The following DYNC2I1 variants were observed in gnomAD, a reference collection of about 807,000 sequenced individuals.
DYNC2I1 encodes dynein 2 intermediate chain 1.
DYNC2I1 carries 89 observed loss-of-function variants against 133.4 expected under a neutral mutation model. That is an observed-to-expected ratio of 0.67 (90% CI 0.56 to 0.80). DYNC2I1 has a LOEUF of 0.80. Among genes scored for constraint, DYNC2I1 ranks in the 30% least tolerant of loss-of-function variants. DYNC2I1 has a pLI of 0.00. For missense variants in DYNC2I1, 1,291 were observed against 1,314.5 expected, an observed-to-expected ratio of 0.98 and a Z score of 0.28; for synonymous variants, 504 against 484.3, an observed-to-expected ratio of 1.04 and a Z score of -0.54.
intron 8 of DYNC2I1, among the ~76,000 whole-genome samples, chr7:158,898,867 GTTGT>G (rs1246711558): frequency 6.7e-6 from 1 of 148,622 alleles, no homozygotes; most frequent in Non-Finnish European, 1.5e-5. Flanking sequence ...TCAGTTAAAG[GTTGT>G]TTTTTTTTTT....
Position 158,945,606 on chromosome 7 carries a change from G to A in DYNC2I1, c.3028G>A (p.Glu1010Lys). The A allele has an allele frequency of 1.2e-6, 2 of 1,608,128 alleles. No homozygotes were observed. The highest frequency in any genetic ancestry group is 1.7e-6 in the Non-Finnish European group (2 of 1,177,830). The stretch of plus-strand genomic sequence containing the variant: ...GCTGGTGGCCATGGCTGCGGTGGGT[G>A]AGCCTGAGAAGGCTGGTGGCAGCTT... Reference protein sequence around the residue: ...NRLVAMAAVGEPEKAGGSFLA... With the variant: ...NRLVAMAAVGKPEKAGGSFLA... The change falls in exon 25 of 25, where the codon GAG becomes AAG. Residue 1010 changes from glutamate (E) to lysine (K), a missense_variant. Transcript: ENST00000407559. The surrounding 1 kb of genome is among the most constrained non-coding windows in gnomAD (Gnocchi z 4.1).
intron 4 of DYNC2I1, 69 bp downstream of exon 4, chr7:158,876,760 T>C: frequency 6.8e-7 from 1 of 1,470,590 alleles, no homozygotes; most frequent in Non-Finnish European, 9.0e-7. Flanking sequence ...TAAGCATTAT[T>C]GTTGGAAGCA....
In DYNC2I1 at chr7:158,945,670, A is replaced by G. The variant is rs1211196389; in HGVS notation, c.3092A>G (p.Asp1031Gly). ...CTGGCCAGGGCGTCTGGCTCCATCGACATCCAGCACCTGAAGAGGCGGTGG... is the reference window on the plus strand; with the variant it reads ...CTGGCCAGGGCGTCTGGCTCCATCGGCATCCAGCACCTGAAGAGGCGGTGG... ...LVLARASGSI[D>G]IQHLKRRWAA... The change falls in exon 25 of 25, where the codon GAC (aspartate) becomes GGC (glycine). Residue 1031 changes from aspartate (D) to glycine (G), a missense_variant. Coordinates refer to ENST00000407559, the MANE Select transcript of DYNC2I1 (RefSeq NM_018051.5). The surrounding 1 kb of genome is among the most constrained non-coding windows in gnomAD (Gnocchi z 4.1). 1 of 1,612,788 alleles carries G rather than the reference A, an allele frequency of 6.2e-7. No homozygotes were observed.
At chr7:158,867,428 G>C (rs1842505429) in intron 1 of DYNC2I1, among the ~76,000 whole-genome samples, 1 of 152,228 alleles carries the variant, frequency 6.6e-6, no homozygotes, top group African/African-American at 2.4e-5. Flanking sequence ...CACAGAAGAA[G>C]GAGCTGTGGC....
In DYNC2I1 at chr7:158,922,357, CA is replaced by C. The variant is rs1311151036; in HGVS notation, c.1922-19del. ...TTCTGGCAGGTCGTTGAAATGTGAA[CA>C]TATTTTTCTTCTCCCTAGATCGAAA... On this transcript the variant is annotated intron_variant, in intron 15 of 24. Transcript: ENST00000407559. 6.2e-7 allele frequency: 1 copy of C among 1,604,818 alleles called. No homozygotes were observed.
chr7:158,895,686 A>G (rs904384884), intron 8 of DYNC2I1, among the ~76,000 whole-genome samples: 4 of 152,146 alleles, frequency 2.6e-5, no homozygotes, highest in Non-Finnish European at 4.4e-5. Flanking sequence ...TGAAATTTCT[A>G]TTGCGATTGC....
chr7:158,930,008 G>A (rs570194944), intron 20 of DYNC2I1, among the ~76,000 whole-genome samples: 41 of 152,302 alleles, frequency 2.7e-4, no homozygotes, highest in Admixed American at 2.0e-3. Context: ...CATTCTGCCC[G>A]GAGACCAGCA....
chr7:158,865,503 T>C (rs1289888056), intron 1 of DYNC2I1, among the ~76,000 whole-genome samples: 3 of 152,234 alleles, frequency 2.0e-5, no homozygotes, highest in African/African-American at 4.8e-5. Context: ...ATCTCCTGTT[T>C]GCTTGCCATG....
intron 23 of DYNC2I1, among the ~76,000 whole-genome samples, chr7:158,940,869 A>G (rs1297703350): frequency 1.3e-5 from 2 of 152,236 alleles, no homozygotes; most frequent in Non-Finnish European, 2.9e-5. Context: ...AAATGCCTAC[A>G]TCTAAAAAAG....
At chr7:158,883,817 C>G (rs1311484309) in intron 5 of DYNC2I1, among the ~76,000 whole-genome samples, 2 of 149,262 alleles carry the variant, frequency 1.3e-5, no homozygotes, top group Non-Finnish European at 3.0e-5. Flanking sequence ...GCGCCCGCCA[C>G]CACACCCGGC....
chr7:158,912,904 G>A, intron 12 of DYNC2I1, 81 bp from the exon 13 acceptor site: 1 of 977,572 alleles, frequency 1.0e-6, no homozygotes, highest in African/African-American at 1.6e-5. Flanking sequence ...TTGACACAGT[G>A]ACTCTCATTA....
At chr7:158,911,488 C>G in intron 11 of DYNC2I1, 62 bp from the exon 12 acceptor site, 1 of 1,563,652 alleles carries the variant, frequency 6.4e-7, no homozygotes, top group Non-Finnish European at 8.7e-7. Flanking sequence ...TCTGTTCTCC[C>G]TACACTTCCC....
At chr7:158,883,574 C>T (rs141186126) in intron 5 of DYNC2I1, among the ~76,000 whole-genome samples, 2 of 148,194 alleles carry the variant, frequency 1.3e-5, no homozygotes, top group East Asian at 2.0e-4. Flanking sequence ...TTATTGTAAG[C>T]TTCCTCCAGT....
At chr7:158,941,843 C>T in intron 23 of DYNC2I1, 82 bp from the exon 24 acceptor site, 1 of 1,493,050 alleles carries the variant, frequency 6.7e-7, no homozygotes, top group Non-Finnish European at 9.0e-7. Context: ...CACCACTGCA[C>T]TCCAGGCTGG....
downstream of DYNC2I1, among the ~76,000 whole-genome samples, chr7:158,950,663 A>G (rs1371753593): frequency 2.1e-5 from 3 of 143,942 alleles, no homozygotes; most frequent in Admixed American, 6.8e-5. Flanking sequence ...CAGGTGTTCT[A>G]TATGATTCCA....
the DYNC2I1 span, among the ~76,000 whole-genome samples, chr7:158,850,780 G>A: frequency 2.0e-5 from 3 of 152,026 alleles, no homozygotes; most frequent in African/African-American, 2.4e-5. Flanking sequence ...TAGGAATATG[G>A]TGCCAAAAAA....
intron 14 of DYNC2I1, among the ~76,000 whole-genome samples, chr7:158,914,812 C>T (rs1403592309): frequency 6.6e-6 from 1 of 152,196 alleles, no homozygotes; most frequent in African/African-American, 2.4e-5. Context: ...ACTCCACCAC[C>T]CACCCCATCA....
chr7:158,937,521 G>A lies in DYNC2I1; in HGVS notation c.2778+2972G>A, dbSNP rs186200845. Among the ~76,000 whole-genome samples, 489 of 151,582 alleles carry A rather than the reference G, an allele frequency of 3.2e-3. 1 individual carries two copies. The highest frequency in any genetic ancestry group is 0.011 in the African/African-American group (471 of 41,354). ...GGCGCCTGTAGTCCCAGCTACTTGG[G>A]AGGCTAAGGCAGGAGAATGGTGTGA... is the stretch of plus-strand genomic sequence containing the variant. On this transcript the variant is annotated intron_variant, in intron 23 of 24. Coordinates refer to ENST00000407559, the MANE Select transcript of DYNC2I1 (RefSeq NM_018051.5).
At chr7:158,898,642 CCT>C (rs1417062219) in intron 8 of DYNC2I1, among the ~76,000 whole-genome samples, 1 of 152,090 alleles carries the variant, frequency 6.6e-6, no homozygotes, top group Non-Finnish European at 1.5e-5. Flanking sequence ...GTTTTTTGAT[CCT>C]CTCTGACAAT....
Sources: allele counts gnomAD v4.1 joint callset (sites outside exome capture counted in the v4.1 genomes callset), GRCh38; gene constraint gnomAD v4.1.1; non-coding constraint Gnocchi (gnomAD v3.1); transcripts MANE v1.5; gene names NCBI Gene and HGNC (gene_info 2026-07-23, HGNC 2026-07-21).